The following RBFOX1 variants were observed in gnomAD, a reference collection of about 807,000 sequenced individuals.
RBFOX1 encodes the protein RNA binding protein fox-1 homolog 1.
Under a neutral mutation model 57.7 loss-of-function variants are expected in RBFOX1, and 8 were observed. The observed-to-expected ratio is 0.14, with a 90% CI of 0.08 to 0.25. The LOEUF (loss-of-function observed/expected upper bound fraction) is 0.25. Among genes scored for constraint, RBFOX1 ranks in the 10% least tolerant of loss-of-function variants. RBFOX1 has a pLI of 1.00. For missense variants in RBFOX1, 611 were observed against 548.5 expected (o/e 1.11, Z -1.14); for synonymous variants, 326 against 222.4 (o/e 1.47, Z -4.15).
At chr16:7,324,536 G>A (rs2096586397) in intron 4 of RBFOX1, among the ~76,000 whole-genome samples, 1 of 152,230 alleles carries the variant, frequency 6.6e-6, no homozygotes, top group South Asian at 2.1e-4. Context: ...AGACAGGTCA[G>A]AGGTCGGTTC....
At chr16:5,805,439 C>T (rs2055194913) in intron 3 of RBFOX1, among the ~76,000 whole-genome samples, 1 of 152,154 alleles carries the variant, frequency 6.6e-6, no homozygotes, top group Admixed American at 6.5e-5. Context: ...TAATATGAAG[C>T]TGTTAATGCC....
chr16:7,434,099 G>C (rs2098703490), intron 4 of RBFOX1, among the ~76,000 whole-genome samples: 1 of 152,122 alleles, frequency 6.6e-6, no homozygotes, highest in Non-Finnish European at 1.5e-5. Flanking sequence ...AAAGATCAGG[G>C]CTGATTTTGG....
chr16:7,003,332 C>T (rs1384371725), intron 3 of RBFOX1, among the ~76,000 whole-genome samples: 2 of 151,868 alleles, frequency 1.3e-5, no homozygotes, highest in Non-Finnish European at 2.9e-5. Flanking sequence ...TGATGGTGAG[C>T]ACTTGTAGTC....
intron 1 of RBFOX1, among the ~76,000 whole-genome samples, chr16:6,235,346 G>A (rs2097497682): frequency 6.6e-6 from 1 of 152,110 alleles, no homozygotes; most frequent in Admixed American, 6.6e-5. Flanking sequence ...CAAGCAGGTA[G>A]GATTCCCTCC....
chr16:7,280,432 C>T (rs1207926824), intron 4 of RBFOX1, among the ~76,000 whole-genome samples: 1 of 152,196 alleles, frequency 6.6e-6, no homozygotes, highest in Non-Finnish European at 1.5e-5. Flanking sequence ...CCCAGGATCA[C>T]CTCACCTTTG....
At chr16:5,294,119 C>T (rs940481150) in intron 1 of RBFOX1, among the ~76,000 whole-genome samples, 1 of 152,092 alleles carries the variant, frequency 6.6e-6, no homozygotes, top group African/African-American at 2.4e-5. Context: ...ATCCCAGCTA[C>T]TCGGGAGGCT....
At chr16:6,861,493 C>G (rs969802581) in intron 3 of RBFOX1, among the ~76,000 whole-genome samples, 2 of 151,428 alleles carry the variant, frequency 1.3e-5, no homozygotes, top group South Asian at 2.1e-4. Context: ...CCCCTCCCCC[C>G]CCGACTCAAT....
intron 4 of RBFOX1, among the ~76,000 whole-genome samples, chr16:7,467,331 C>T (rs1042955838): frequency 2.0e-5 from 3 of 152,142 alleles, no homozygotes; most frequent in Non-Finnish European, 4.4e-5. Context: ...CATACCAAGT[C>T]TTATAGACTT....
chr16:7,184,133 G>A (rs1317546356), intron 4 of RBFOX1, among the ~76,000 whole-genome samples: 7 of 152,194 alleles, frequency 4.6e-5, no homozygotes, highest in Admixed American at 3.9e-4. Flanking sequence ...ACAGGAAAGG[G>A]CTTTGTGTAT....
chr16:6,767,439 A>G lies in RBFOX1; in HGVS notation c.-16+112789A>G, dbSNP rs776258128. Among the ~76,000 whole-genome samples, 5 of 152,338 alleles carry G rather than the reference A, an allele frequency of 3.3e-5. No homozygotes were observed. The South Asian group carries it at 6.2e-4, about 19-fold the overall frequency. On this transcript the variant is annotated intron_variant, in intron 3 of 15. Coordinates refer to ENST00000550418, the MANE Select transcript of RBFOX1 (RefSeq NM_018723.4). The stretch of plus-strand genomic sequence containing the variant: ...TCTGAATGTAGCCCTGCTGCAATCT[A>G]TAATTATCCTGAGGTTTTTCACTTA...
At chr16:7,415,764 A>G (rs1226965374) in intron 4 of RBFOX1, among the ~76,000 whole-genome samples, 4 of 143,436 alleles carry the variant, frequency 2.8e-5, no homozygotes, top group African/African-American at 1.2e-4. Context: ...TTTCCAGTGC[A>G]GGAAAGTGGA....
intron 2 of RBFOX1, among the ~76,000 whole-genome samples, chr16:6,521,021 T>C (rs1014780010): frequency 4.6e-5 from 7 of 152,318 alleles, no homozygotes; most frequent in African/African-American, 1.7e-4. Context: ...TGTCAATTTA[T>C]ATCAAAACCT....
intron 1 of RBFOX1, among the ~76,000 whole-genome samples, chr16:5,427,818 C>T (rs898221434): frequency 3.3e-5 from 5 of 152,150 alleles, no homozygotes; most frequent in South Asian, 2.1e-4. Context: ...TCAAAGTCCA[C>T]GGATTTCTCT....
chr16:5,904,426 C>G (rs887926474), intron 4 of RBFOX1, among the ~76,000 whole-genome samples: 1 of 151,852 alleles, frequency 6.6e-6, no homozygotes, highest in East Asian at 2.0e-4. Flanking sequence ...ATTTTTCACT[C>G]TGCCCTCAGG....
chr16:6,498,555 A>G (rs993345454), intron 2 of RBFOX1, among the ~76,000 whole-genome samples: 4 of 152,090 alleles, frequency 2.6e-5, no homozygotes, highest in Non-Finnish European at 4.4e-5. Context: ...TTCCTCTCCA[A>G]CGATTAGATT....
At chr16:5,480,556 C>T (rs78637994) in intron 2 of RBFOX1, among the ~76,000 whole-genome samples, 273 of 152,358 alleles carry the variant, frequency 1.8e-3, no homozygotes, top group Non-Finnish European at 2.7e-3. Flanking sequence ...ATGCCCTGTT[C>T]GCCCAGTCCA....
chr16:6,106,470 AAT>A (rs1491543920), intron 1 of RBFOX1, among the ~76,000 whole-genome samples: 5 of 150,442 alleles, frequency 3.3e-5, no homozygotes, highest in Admixed American at 2.0e-4. Flanking sequence ...CTGTCTCAAA[AAT>A]AAAAAAAAAA....
At chr16:6,754,795 C>T (rs1344459513) in intron 3 of RBFOX1, among the ~76,000 whole-genome samples, 1 of 151,952 alleles carries the variant, frequency 6.6e-6, no homozygotes, top group Admixed American at 6.6e-5. Context: ...TGCTGGTGTG[C>T]TCCACCCATT....
chr16:7,253,153 A>G (rs1423141587), intron 4 of RBFOX1, among the ~76,000 whole-genome samples: 5 of 152,184 alleles, frequency 3.3e-5, no homozygotes, highest in Non-Finnish European at 5.9e-5. Flanking sequence ...CCGCTGGATA[A>G]AATCTCTTCT....
Sources: gnomAD v4.1 joint callset for allele counts (sites outside exome capture counted in the v4.1 genomes callset) on GRCh38, gnomAD v4.1.1 for gene constraint, MANE v1.5 for transcripts, NCBI Gene and HGNC (gene_info 2026-07-23, HGNC 2026-07-21) for gene names.